Variants in CLMP observed in about 807,000 individuals in gnomAD.
CLMP encodes the protein CXADR like cell adhesion molecule, also known as CXADR-like membrane protein.
CLMP carries 27 observed loss-of-function variants against 45.2 expected under a neutral mutation model. The observed-to-expected ratio is 0.60, with a 90% confidence interval of 0.44 to 0.82. CLMP has a LOEUF of 0.82. Among genes scored for constraint, CLMP ranks in the 40% least tolerant of loss-of-function variants. The probability of loss-of-function intolerance (pLI) is 0.00; values close to 1 mark genes in which losing one functional copy is unlikely to be tolerated. For missense variants in CLMP, 403 were observed against 448.4 expected (o/e 0.90, Z 0.91); for synonymous variants, 167 against 171.4 (o/e 0.97, Z 0.20).
chr11:123,083,056 A>G lies in CLMP; in HGVS notation c.679+29T>C, dbSNP rs751031433. On this transcript the variant is annotated intron_variant, in intron 5 of 6. Transcript: ENST00000448775. ...CTACAATGCAAAAACAAACAGAAAA[A>G]TGAAACTAAAACCTCTTTGGATGCT... 12 of 1,610,914 alleles carry G rather than the reference A, an allele frequency of 7.4e-6. 1 individual carries two copies. The South Asian group carries it at 1.2e-4, about 16-fold the overall frequency.
chr11:123,108,851 C>T (rs1296102931), intron 1 of CLMP, among the ~76,000 whole-genome samples: 2 of 151,806 alleles, frequency 1.3e-5, no homozygotes, highest in Non-Finnish European at 1.5e-5. Context: ...GTCGGGAGTT[C>T]GAGACCAGCC....
At chr11:123,145,462 T>TG (rs369554649) in intron 1 of CLMP, among the ~76,000 whole-genome samples, 40,207 of 135,572 alleles carry the variant, frequency 0.3, 6,295 homozygotes, top group African/African-American at 0.43. Context: ...GTTTTTTTTT[T>TG]TTTTTTTTTT....
intron 1 of CLMP, among the ~76,000 whole-genome samples, chr11:123,123,375 T>C (rs1401790805): frequency 2.0e-5 from 3 of 150,968 alleles, no homozygotes; most frequent in Non-Finnish European, 2.9e-5. Context: ...TTCTCGTGGA[T>C]CAGCCTCCCA....
intron 1 of CLMP, among the ~76,000 whole-genome samples, chr11:123,172,531 T>C (rs1861649952): frequency 6.6e-6 from 1 of 152,220 alleles, no homozygotes; most frequent in Non-Finnish European, 1.5e-5. Context: ...ATCCAGGCTG[T>C]AGTGCAATGG....
intron 1 of CLMP, among the ~76,000 whole-genome samples, chr11:123,122,383 T>G (rs1275712798): frequency 6.6e-6 from 1 of 152,152 alleles, no homozygotes; most frequent in East Asian, 1.9e-4. Flanking sequence ...CTTCCCCTGT[T>G]CAACAGACAG....
chr11:123,079,067 C>T (rs1033278909), intron 5 of CLMP, among the ~76,000 whole-genome samples: 1 of 151,936 alleles, frequency 6.6e-6, no homozygotes, highest in African/African-American at 2.4e-5. Flanking sequence ...CATGAGCCAC[C>T]GTGCCTGGCC....
intron 1 of CLMP, among the ~76,000 whole-genome samples, chr11:123,157,645 G>A (rs543157021): frequency 3.3e-5 from 5 of 149,968 alleles, no homozygotes; most frequent in African/African-American, 7.4e-5. Context: ...CTTGAACCCC[G>A]AGTGGGGCAG....
At chr11:123,129,991 C>A (rs116185521) in intron 1 of CLMP, among the ~76,000 whole-genome samples, 2,304 of 151,534 alleles carry the variant, frequency 0.015, 55 homozygotes, top group African/African-American at 0.052. Context: ...CAGGGATCAA[C>A]TTTTGTCTCC....
chr11:123,100,374 C>A (rs1356905588), intron 1 of CLMP, among the ~76,000 whole-genome samples: 2 of 146,634 alleles, frequency 1.4e-5, no homozygotes, highest in African/African-American at 5.1e-5. Context: ...GAGCGAGACT[C>A]CCTCTCAGAA....
Position 123,073,363 on chromosome 11 carries a change from A to C in CLMP, c.*111T>G. 1.7e-6 allele frequency: 2 copies of C among 1,203,934 alleles called. No homozygotes were observed. 74.6% of individuals were successfully genotyped at this position (1,203,934 alleles called of 1,614,324 possible). A position where few individuals can be genotyped will look rare whatever the true frequency, so the allele number is the denominator to read the frequency against. On this transcript the variant is annotated 3_prime_UTR_variant, in exon 7 of 7. Transcript: ENST00000448775. ...TCTGTTCCGTGCAATGCTCACTGCT[A>C]CTTAGATGACCTCTCATCTGGTTGT...
chr11:123,110,647 C>A (rs1860625131), intron 1 of CLMP, among the ~76,000 whole-genome samples: 1 of 151,950 alleles, frequency 6.6e-6, no homozygotes, highest in Non-Finnish European at 1.5e-5. Context: ...GTACAAAGAC[C>A]AAGGTGACAA....
chr11:123,167,975 A>G (rs1053906506), intron 1 of CLMP, among the ~76,000 whole-genome samples: 9 of 152,150 alleles, frequency 5.9e-5, no homozygotes, highest in African/African-American at 2.2e-4. Flanking sequence ...AGACAGACAG[A>G]CAGACAGACA....
intron 1 of CLMP, among the ~76,000 whole-genome samples, chr11:123,188,419 T>A (rs926018305): frequency 4.6e-5 from 7 of 151,178 alleles, no homozygotes; most frequent in Admixed American, 2.0e-4. Flanking sequence ...CCTCCTCCTC[T>A]TCCTCCTCCT....
chr11:123,121,336 C>A (rs1355141820), intron 1 of CLMP, among the ~76,000 whole-genome samples: 2 of 151,958 alleles, frequency 1.3e-5, no homozygotes, highest in Admixed American at 1.3e-4. Context: ...CTCGTTCTGT[C>A]GTCCAGGCTA....
intron 1 of CLMP, among the ~76,000 whole-genome samples, chr11:123,150,603 AATG>A (rs1347366442): frequency 2.4e-4 from 33 of 134,910 alleles, no homozygotes; most frequent in African/African-American, 8.7e-4. Flanking sequence ...GGAAGGAAGG[AATG>A]AAGGAAGGAA....
chr11:123,184,134 G>A (rs774071629), intron 1 of CLMP, among the ~76,000 whole-genome samples: 10 of 151,914 alleles, frequency 6.6e-5, no homozygotes, highest in South Asian at 4.2e-4. Flanking sequence ...TCGCTTTGTC[G>A]CCCAGGCTGG....
At chr11:123,147,960 G>A (rs1163437955) in intron 1 of CLMP, among the ~76,000 whole-genome samples, 1 of 152,062 alleles carries the variant, frequency 6.6e-6, no homozygotes, top group African/African-American at 2.4e-5. Context: ...TGATAGGCAT[G>A]AGCCACCGTG....
At chr11:123,150,472 AAAGAAAGAAAGGAAGGAAGG>A (rs1861304885) in intron 1 of CLMP, among the ~76,000 whole-genome samples, 13 of 84,338 alleles carry the variant, frequency 1.5e-4, no homozygotes, top group Admixed American at 5.9e-4. Flanking sequence ...AGAAAGAAAG[AAAGAAAGAAAGGAAGGAAGG>A]AAGGAAGGAA....
At chr11:123,134,674 A>G (rs1273882858) in intron 1 of CLMP, among the ~76,000 whole-genome samples, 1 of 151,768 alleles carries the variant, frequency 6.6e-6, no homozygotes, top group East Asian at 2.0e-4. Context: ...CCAGCATGGT[A>G]GTGCATGCTT....
Sources: allele counts gnomAD v4.1 joint callset (sites outside exome capture counted in the v4.1 genomes callset), GRCh38; gene constraint gnomAD v4.1.1; transcripts MANE v1.5; gene names NCBI Gene and HGNC (gene_info 2026-07-23, HGNC 2026-07-21).